The following ATG5 variants were observed in gnomAD, a reference collection of about 807,000 sequenced individuals.
The protein encoded by ATG5 is autophagy protein 5.
In ATG5, 14 loss-of-function variants were observed where a neutral mutation model predicts 36.5. The ratio of observed to expected loss-of-function variants is 0.38; its 90% CI spans 0.25 to 0.60. The LOEUF (loss-of-function observed/expected upper bound fraction) is 0.60. Among genes scored for constraint, ATG5 ranks in the 20% least tolerant of loss-of-function variants. The pLI, the probability that ATG5 is intolerant of heterozygous loss-of-function variation, is 0.60. For missense variants in ATG5, 195 were observed against 326.7 expected (o/e 0.60, Z 3.11); for synonymous variants, 95 against 101.5 (o/e 0.94, Z 0.38).
intron 6 of ATG5, among the ~76,000 whole-genome samples, chr6:106,205,577 G>GA (rs940105164): frequency 6.6e-5 from 10 of 151,552 alleles, no homozygotes; most frequent in South Asian, 4.2e-4. Context: ...AAAATTACCT[G>GA]AAAAAAAATG....
intron 5 of ATG5, among the ~76,000 whole-genome samples, 174 bp downstream of exon 5, chr6:106,279,487 C>A (rs1018782733): frequency 3.9e-5 from 6 of 152,042 alleles, no homozygotes; most frequent in Non-Finnish European, 8.8e-5. Flanking sequence ...ACAGAGGACA[C>A]CAAAAGAGCA....
At chr6:106,199,299 G>A (rs1174684536) in intron 7 of ATG5, among the ~76,000 whole-genome samples, 1 of 152,204 alleles carries the variant, frequency 6.6e-6, no homozygotes, top group Non-Finnish European at 1.5e-5. Context: ...TTATAAAGGT[G>A]AAAGGCTGGA....
intron 7 of ATG5, among the ~76,000 whole-genome samples, chr6:106,198,476 CA>C (rs1776289797): frequency 6.6e-6 from 1 of 152,036 alleles, no homozygotes. Context: ...TTTTATCCTT[CA>C]AAAGAAAATG....
intron 7 of ATG5, among the ~76,000 whole-genome samples, chr6:106,196,164 C>A (rs946682875): frequency 2.6e-5 from 4 of 152,034 alleles, no homozygotes; most frequent in African/African-American, 9.7e-5. Flanking sequence ...ACAGTAGACA[C>A]TCAGGTTCCT....
intron 5 of ATG5, among the ~76,000 whole-genome samples, chr6:106,257,638 C>T (rs1277204564): frequency 6.6e-6 from 1 of 152,182 alleles, no homozygotes; most frequent in Non-Finnish European, 1.5e-5. Flanking sequence ...CTCATTTCCT[C>T]ATTTGCAAAG....
chr6:106,318,967 T>C (rs2114686041), intron 1 of ATG5, among the ~76,000 whole-genome samples: 1 of 152,334 alleles, frequency 6.6e-6, no homozygotes, highest in East Asian at 1.9e-4. Context: ...AAACAAAATT[T>C]AACTCTTGAG....
At chr6:106,322,115 T>G (rs1382435082) in intron 1 of ATG5, among the ~76,000 whole-genome samples, 1 of 152,172 alleles carries the variant, frequency 6.6e-6, no homozygotes, top group Non-Finnish European at 1.5e-5. Flanking sequence ...CTCCAACCTG[T>G]GACGCAATCT....
intron 6 of ATG5, among the ~76,000 whole-genome samples, chr6:106,205,123 T>G (rs912064365): frequency 3.3e-5 from 5 of 152,150 alleles, no homozygotes; most frequent in Non-Finnish European, 7.4e-5. Context: ...TGACGACTAA[T>G]GGAAAGCAGT....
intron 1 of ATG5, among the ~76,000 whole-genome samples, chr6:106,324,820 G>T (rs1771228951): frequency 6.6e-6 from 1 of 152,134 alleles, no homozygotes; most frequent in South Asian, 2.1e-4. Context: ...TCCCTCTATG[G>T]AAATCACAAA....
intron 6 of ATG5, among the ~76,000 whole-genome samples, chr6:106,246,248 G>A (rs745924832): frequency 6.6e-5 from 10 of 152,044 alleles, no homozygotes; most frequent in Non-Finnish European, 1.2e-4. Flanking sequence ...GATCAAGCAG[G>A]AGGTTCTGCC....
At chr6:106,213,880 A>G (rs1405859851) in intron 6 of ATG5, among the ~76,000 whole-genome samples, 1 of 152,212 alleles carries the variant, frequency 6.6e-6, no homozygotes, top group Non-Finnish European at 1.5e-5. Context: ...AGTTCTTTTC[A>G]TTCCTCTCTT....
intron 6 of ATG5, among the ~76,000 whole-genome samples, chr6:106,241,417 C>T (rs970164956): frequency 3.3e-5 from 5 of 152,092 alleles, no homozygotes; most frequent in Non-Finnish European, 5.9e-5. Flanking sequence ...GGTACAGCTA[C>T]TACGGAAAAC....
At chr6:106,261,183 A>G (rs1186312420) in intron 5 of ATG5, among the ~76,000 whole-genome samples, 1 of 152,196 alleles carries the variant, frequency 6.6e-6, no homozygotes, top group Non-Finnish European at 1.5e-5. Flanking sequence ...AATACACAGA[A>G]CACACATTAT....
intron 7 of ATG5, among the ~76,000 whole-genome samples, chr6:106,194,069 T>C (rs765627861): frequency 6.6e-6 from 1 of 152,152 alleles, no homozygotes; most frequent in Non-Finnish European, 1.5e-5. Flanking sequence ...TCATTTCCAG[T>C]AGTGGAGAAT....
Position 106,300,191 on chromosome 6 carries a change from A to T in ATG5, c.237-7085T>A, listed in dbSNP as rs1480375549. ...TTATGCCTAGTTTTCCATTATTGGAACGCTAAGCTTGTGGGAGTTATGTAA... is the reference window on the plus strand; with the variant it reads ...TTATGCCTAGTTTTCCATTATTGGATCGCTAAGCTTGTGGGAGTTATGTAA... On this transcript the variant is annotated intron_variant, in intron 3 of 7. Transcript: ENST00000369076. Among the ~76,000 whole-genome samples the T allele has an allele frequency of 3.3e-5, 5 of 152,298 alleles. No individual in the cohort carries two copies. In the East Asian group the frequency reaches 9.6e-4, roughly 29 times the overall value.
chr6:106,269,124 T>G (rs1217924593), intron 5 of ATG5, among the ~76,000 whole-genome samples: 1 of 151,908 alleles, frequency 6.6e-6, no homozygotes, highest in Admixed American at 6.6e-5. Flanking sequence ...ACATCCCCAC[T>G]AGATTAGCTA....
At chr6:106,214,319 AGG>A (rs1230776797) in intron 6 of ATG5, among the ~76,000 whole-genome samples, 1 of 152,138 alleles carries the variant, frequency 6.6e-6, no homozygotes, top group Non-Finnish European at 1.5e-5. Context: ...GGGAACAGAG[AGG>A]GGAGTGGGTG....
At chr6:106,255,604 C>T (rs889680294) in intron 5 of ATG5, among the ~76,000 whole-genome samples, 2 of 152,086 alleles carry the variant, frequency 1.3e-5, no homozygotes, top group African/African-American at 4.8e-5. Flanking sequence ...AGACAGGATT[C>T]AATTATCGTA....
intron 7 of ATG5, among the ~76,000 whole-genome samples, chr6:106,194,149 T>C (rs1293651492): frequency 6.6e-6 from 1 of 152,232 alleles, no homozygotes; most frequent in Non-Finnish European, 1.5e-5. Context: ...TTCCTTCTAA[T>C]TCAAATTCTA....
Sources: allele counts gnomAD v4.1 joint callset (sites outside exome capture counted in the v4.1 genomes callset), GRCh38; gene constraint gnomAD v4.1.1; transcripts MANE v1.5; gene names NCBI Gene and HGNC (gene_info 2026-07-23, HGNC 2026-07-21).